EHBP1: variants seen among roughly 807,000 people sequenced by gnomAD.
EHBP1 encodes the protein EH domain binding protein 1.
Under a neutral mutation model 144.0 loss-of-function variants are expected in EHBP1, and 55 were observed. The observed-to-expected ratio is 0.38, with a 90% confidence interval of 0.31 to 0.48. The LOEUF is 0.48. Among genes scored for constraint, EHBP1 ranks in the 20% least tolerant of loss-of-function variants. EHBP1 has a pLI of 0.98. For synonymous variants in EHBP1, 469 were observed against 472.7 expected (o/e 0.99, Z 0.10); for missense variants, 1,200 against 1,364.2 (o/e 0.88, Z 1.90).
At chr2:62,730,624 TAGAGAG>T (rs898881603) in intron 2 of EHBP1, among the ~76,000 whole-genome samples, 3 of 149,782 alleles carry the variant, frequency 2.0e-5, no homozygotes, top group Admixed American at 6.7e-5. Context: ...TCTTTTTTTT[TAGAGAG>T]AGAGAGAGAG....
chr2:62,846,214 C>A (rs1345163498), intron 7 of EHBP1, among the ~76,000 whole-genome samples: 1 of 152,106 alleles, frequency 6.6e-6, no homozygotes, highest in Non-Finnish European at 1.5e-5. Context: ...GAGAATTCTA[C>A]TGATGCTGAG....
intron 10 of EHBP1, among the ~76,000 whole-genome samples, chr2:62,921,123 A>G (rs2055043080): frequency 6.6e-6 from 1 of 152,192 alleles, no homozygotes; most frequent in Non-Finnish European, 1.5e-5. Flanking sequence ...TATGAATTCA[A>G]ATTACAGTGT....
chr2:62,689,792 G>T (rs2033842587), intron 1 of EHBP1, among the ~76,000 whole-genome samples: 1 of 152,088 alleles, frequency 6.6e-6, no homozygotes, highest in African/African-American at 2.4e-5. Flanking sequence ...CCATTTGATT[G>T]CATGTTTATT....
chr2:62,777,222 C>T lies in EHBP1; in HGVS notation c.312+5830C>T, dbSNP rs139701515. 8.4e-3 allele frequency among the ~76,000 whole-genome samples: 1,279 copies of T among 152,266 alleles called. 10 individuals carry two copies. Among genetic ancestry groups the T allele is most frequent in the Middle Eastern group, 0.027 (8 of 294 alleles). On this transcript the variant is annotated intron_variant, in intron 5 of 22. Transcript: ENST00000431489. ...CTGAGCTCAAGCAGTACTCCCACCT[C>T]GGCCTCCCAGAGTGTTGAGATTACA...
chr2:62,719,306 G>A (rs1447469125), intron 2 of EHBP1, among the ~76,000 whole-genome samples: 3 of 152,062 alleles, frequency 2.0e-5, no homozygotes, highest in Non-Finnish European at 2.9e-5. Flanking sequence ...AACTTCTTAA[G>A]TACTTGCATT....
intron 19 of EHBP1, among the ~76,000 whole-genome samples, chr2:63,024,601 CAAAAA>C (rs35534053): frequency 3.7e-5 from 4 of 107,486 alleles, no homozygotes; most frequent in Admixed American, 1.0e-4. Flanking sequence ...GACCCTGTCT[CAAAAA>C]AAAAAAAAAA....
intron 5 of EHBP1, among the ~76,000 whole-genome samples, chr2:62,813,425 C>G (rs771673145): frequency 2.0e-5 from 3 of 152,174 alleles, no homozygotes; most frequent in Non-Finnish European, 4.4e-5. Flanking sequence ...CAGAGAGTCC[C>G]CACTAGGGCA....
chr2:62,756,076 C>T (rs541716706), intron 3 of EHBP1, among the ~76,000 whole-genome samples: 3 of 150,908 alleles, frequency 2.0e-5, no homozygotes, highest in Non-Finnish European at 2.9e-5. Context: ...GAGTTTGAGA[C>T]CGGCATGGGC....
chr2:62,841,672 T>C (rs2047884104), intron 7 of EHBP1, among the ~76,000 whole-genome samples: 1 of 152,222 alleles, frequency 6.6e-6, no homozygotes, highest in African/African-American at 2.4e-5. Context: ...TTTTATTTTA[T>C]AATGATGGCA....
intron 2 of EHBP1, among the ~76,000 whole-genome samples, chr2:62,742,383 A>G (rs184446343): frequency 1.1e-3 from 173 of 152,256 alleles, no homozygotes; most frequent in Non-Finnish European, 2.1e-3. Context: ...CAACTGTACT[A>G]TGTCATCTTT....
chr2:62,814,802 A>G (rs1387726176), intron 5 of EHBP1, among the ~76,000 whole-genome samples: 2 of 152,208 alleles, frequency 1.3e-5, no homozygotes, highest in Non-Finnish European at 2.9e-5. Context: ...ACAATACTAC[A>G]TTGAAGACTT....
Position 63,045,126 on chromosome 2 carries a change from C to T in EHBP1, c.3338C>T (p.Ala1113Val). 1 of 1,597,002 alleles carries T rather than the reference C, an allele frequency of 6.3e-7. No individual in the cohort carries two copies. Among genetic ancestry groups the T allele is most frequent in the Non-Finnish European group, 8.5e-7 (1 of 1,171,484 alleles). The part of the protein sequence containing the change: ...REQLLLDELV[A>V]LVNKRDALVR... ...CAGCTTCTGCTAGATGAGCTGGTGG[C>T]CCTGGTGAACAAGCGCGATGCGCTC... The change falls in exon 22 of 23, where the codon GCC becomes GTC. Residue 1113 changes from alanine to valine, a missense_variant. Around this residue, in one of 6 missense-constraint regions of EHBP1, gnomAD observed 149 missense variants for 217.0 expected, o/e 0.69. Transcript: ENST00000431489. This position sits in a 1 kb window ranked among gnomAD's most constrained non-coding sequence, Gnocchi z 5.7.
intron 10 of EHBP1, among the ~76,000 whole-genome samples, chr2:62,876,320 A>G (rs1477878316): frequency 6.6e-6 from 1 of 152,230 alleles, no homozygotes; most frequent in East Asian, 1.9e-4. Flanking sequence ...TTGGGAGCCT[A>G]TATTCAGCAT....
chr2:62,680,172 A>G (rs1203914362), intron 1 of EHBP1, among the ~76,000 whole-genome samples: 8 of 152,192 alleles, frequency 5.3e-5, no homozygotes, highest in South Asian at 2.1e-4. Context: ...GGAAAGTTCT[A>G]TTTTTAGCTG....
At chr2:62,879,576 C>CACACACACACACAG (rs2051200692) in intron 10 of EHBP1, among the ~76,000 whole-genome samples, 1 of 151,134 alleles carries the variant, frequency 6.6e-6, no homozygotes, top group Non-Finnish European at 1.5e-5. Context: ...CACACACACA[C>CACACACACACACAG]ACACACACAC....
chr2:62,735,989 G>GT (rs953216571), intron 2 of EHBP1, among the ~76,000 whole-genome samples: 1 of 151,788 alleles, frequency 6.6e-6, no homozygotes, highest in Non-Finnish European at 1.5e-5. Context: ...CTAAGTGTAG[G>GT]TTTTTTGGCC....
At chr2:63,038,329 CTT>C (rs1193168968) in intron 20 of EHBP1, among the ~76,000 whole-genome samples, 3 of 152,064 alleles carry the variant, frequency 2.0e-5, no homozygotes, top group African/African-American at 7.2e-5. Context: ...AAGCACAAAA[CTT>C]TACAAATCCT....
At chr2:63,008,007 T>C (rs2060115271) in intron 19 of EHBP1, among the ~76,000 whole-genome samples, 1 of 151,790 alleles carries the variant, frequency 6.6e-6, no homozygotes, top group South Asian at 2.1e-4. Context: ...GGTGTGAGCC[T>C]TTCAAGCATT....
chr2:62,815,892 CTA>C (rs2152550031), intron 5 of EHBP1, among the ~76,000 whole-genome samples: 1 of 152,194 alleles, frequency 6.6e-6, no homozygotes, highest in Non-Finnish European at 1.5e-5. Flanking sequence ...TTTCAAATGA[CTA>C]TAATGTTGCA....
Sources: gnomAD v4.1 joint callset for allele counts (sites outside exome capture counted in the v4.1 genomes callset) on GRCh38, gnomAD v4.1.1 for gene constraint, gnomAD v4.1.1 regional missense constraint, Gnocchi (gnomAD v3.1) non-coding constraint, MANE v1.5 for transcripts, NCBI Gene and HGNC (gene_info 2026-07-23, HGNC 2026-07-21) for gene names.